NLRP14: variants seen among roughly 807,000 people sequenced by gnomAD.
NLRP14 encodes the protein NACHT, LRR and PYD domains-containing protein 14.
In NLRP14, 105 loss-of-function variants were observed where a neutral mutation model predicts 94.7. The observed-to-expected ratio is 1.11, with a 90% confidence interval of 0.95 to 1.30. The LOEUF is 1.30. Among genes scored for constraint, NLRP14 ranks in the 50% most tolerant of loss-of-function variants. The pLI, the probability that NLRP14 is intolerant of heterozygous loss-of-function variation, is 0.00. For synonymous variants in NLRP14, 508 were observed against 459.9 expected, an observed-to-expected ratio of 1.10 and a Z score of -1.34; for missense variants, 1,362 against 1,254.1, an observed-to-expected ratio of 1.09 and a Z score of -1.30.
rs1263172015 is a variant in NLRP14, at chr11:7,071,396, A to G, written c.*88A>G. On this transcript the variant is annotated 3_prime_UTR_variant, in exon 12 of 12. Transcript: ENST00000299481. ...CCCAGACTTGGGTGCTTAGCTTCAGATACTCTATGCCCAGAGATAGTGCAC... is the reference window on the plus strand; with the variant it reads ...CCCAGACTTGGGTGCTTAGCTTCAGGTACTCTATGCCCAGAGATAGTGCAC... 1 of 1,057,634 alleles carries G rather than the reference A, an allele frequency of 9.5e-7. No individual in the cohort carries two copies. Among genetic ancestry groups the G allele is most frequent in the Non-Finnish European group, 1.4e-6 (1 of 706,110 alleles). 65.5% of individuals were successfully genotyped at this position (1,057,634 alleles called of 1,614,324 possible). A position where few individuals can be genotyped will look rare whatever the true frequency, so the allele number is the denominator to read the frequency against.
intron 5 of NLRP14, among the ~76,000 whole-genome samples, chr11:7,048,830 G>T (rs1852398246): frequency 1.3e-5 from 2 of 152,174 alleles, no homozygotes; most frequent in East Asian, 1.9e-4. Context: ...CATGATGACT[G>T]TTCTCAGTCT....
chr11:7,051,862 C>A (rs1852446065), intron 6 of NLRP14, among the ~76,000 whole-genome samples: 1 of 152,200 alleles, frequency 6.6e-6, no homozygotes, highest in South Asian at 2.1e-4. Flanking sequence ...ACCTTGTGAT[C>A]CGCCTGCCTT....
rs374638330 is a variant in NLRP14, at chr11:7,060,050, T to A, written c.2790T>A (p.Asn930Lys). 11 of 1,612,554 alleles carry A rather than the reference T, an allele frequency of 6.8e-6. No homozygotes were observed. The highest frequency in any genetic ancestry group is 1.7e-4 in the Middle Eastern group (1 of 6,050). The change falls in exon 9 of 12, where the codon AAT becomes AAA. Residue 930 changes from asparagine to lysine, a missense_variant. By Grantham distance (94) the Asn-to-Lys change is moderately conservative. Coordinates refer to ENST00000299481, the MANE Select transcript of NLRP14 (RefSeq NM_176822.4). ...ATGTCTTTCGGCATCCAAGCTGTAA[T>A]CTTCAGGACTTGGAGTAGGTTTTCT... ...LCDVFRHPSC[N>K]LQDLELMGCV... is the part of the protein sequence containing the mutation.
chr11:7,068,452 C>T (rs1852741134), intron 10 of NLRP14, among the ~76,000 whole-genome samples: 1 of 151,976 alleles, frequency 6.6e-6, no homozygotes, highest in African/African-American at 2.4e-5. Context: ...TGTAAACTTC[C>T]CTAGAACTTT....
chr11:7,061,694 A>G (rs1852624340), intron 9 of NLRP14, among the ~76,000 whole-genome samples: 1 of 152,110 alleles, frequency 6.6e-6, no homozygotes, highest in Non-Finnish European at 1.5e-5. Context: ...CAGTGGAGAC[A>G]GAGTTACTTT....
chr11:7,082,114 A>G, the NLRP14 span, among the ~76,000 whole-genome samples: 5 of 152,218 alleles, frequency 3.3e-5, no homozygotes, highest in African/African-American at 1.2e-4. Context: ...GAACCAGGAC[A>G]AGAACCAAAT....
In NLRP14 at chr11:7,053,656, T is replaced by C. The variant is rs538157741; in HGVS notation, c.2291+3818T>C. On this transcript the variant is annotated intron_variant, in intron 6 of 11. Coordinates refer to ENST00000299481, the MANE Select transcript of NLRP14 (RefSeq NM_176822.4). ...GTATTTTTTTTTACTTTCACTTCTGTATTTTCAATTTTTTAGGTACATAGT... is the reference window on the plus strand; with the variant it reads ...GTATTTTTTTTTACTTTCACTTCTGCATTTTCAATTTTTTAGGTACATAGT... Among the ~76,000 whole-genome samples the C allele has an allele frequency of 2.0e-5, 3 of 151,978 alleles. No individual in the cohort carries two copies. The South Asian group carries it at 6.2e-4, about 32-fold the overall frequency.
chr11:7,075,345 A>G (rs1852862779), downstream of NLRP14, among the ~76,000 whole-genome samples: 1 of 152,222 alleles, frequency 6.6e-6, no homozygotes, highest in Non-Finnish European at 1.5e-5. Context: ...ATATACTATG[A>G]TTATTGTGAC....
At chr11:7,068,269 AT>A (rs1267863787) in intron 10 of NLRP14, among the ~76,000 whole-genome samples, 1 of 152,038 alleles carries the variant, frequency 6.6e-6, no homozygotes, top group East Asian at 1.9e-4. Flanking sequence ...TGTTGGGTTT[AT>A]TTTACCATTT....
intron 1 of NLRP14, among the ~76,000 whole-genome samples, chr11:7,027,846 T>TG (rs1852036244): frequency 6.6e-6 from 1 of 152,228 alleles, no homozygotes; most frequent in Admixed American, 6.5e-5. Context: ...TTCAAGCATT[T>TG]GGTACAATTA....
chr11:7,035,679 AC>A (rs1852151171), intron 1 of NLRP14, among the ~76,000 whole-genome samples: 1 of 151,950 alleles, frequency 6.6e-6, no homozygotes, highest in Non-Finnish European at 1.5e-5. Flanking sequence ...GTCAAATCTT[AC>A]CTCCCTGAGA....
At chr11:7,070,514 C>T in intron 11 of NLRP14, 58 bp downstream of exon 11, 1 of 1,243,810 alleles carries the variant, frequency 8.0e-7, no homozygotes, top group Admixed American at 1.7e-5. Context: ...ATTTGGGGAG[C>T]CACTCATTAA....
intron 1 of NLRP14, among the ~76,000 whole-genome samples, chr11:7,034,206 G>A (rs147111352): frequency 3.9e-5 from 6 of 152,120 alleles, no homozygotes; most frequent in East Asian, 1.9e-4. Context: ...TCATATATTC[G>A]GACATTTGTC....
At chr11:7,032,401 C>A (rs1454570054) in intron 1 of NLRP14, among the ~76,000 whole-genome samples, 1 of 152,112 alleles carries the variant, frequency 6.6e-6, no homozygotes, top group African/African-American at 2.4e-5. Flanking sequence ...CTATTCTAAA[C>A]AAACACCCTT....
rs778677361 is a variant in NLRP14 at position 7,043,495 on chromosome 11, T to A, written c.1469T>A (p.Met490Lys). The A allele has an allele frequency of 1.9e-6, 3 of 1,614,174 alleles. No individual in the cohort carries two copies. The South Asian group carries it at 3.3e-5, about 18-fold the overall frequency. Residue 490 changes from methionine (M) to lysine (K), a missense_variant, in exon 4 of 12, where the codon ATG (methionine) becomes AAG (lysine). Transcript: ENST00000299481. ...CATGTTCAGGAGTTTTTTGCAGCTA[T>A]GTTCTATATGTTGAAAGGCAGTTGG... is the stretch of plus-strand genomic sequence containing the variant. Reference protein sequence around the residue: ...HLHVQEFFAAMFYMLKGSWEA... With the variant: ...HLHVQEFFAAKFYMLKGSWEA...
chr11:7,052,471 A>G (rs1852454430), intron 6 of NLRP14, among the ~76,000 whole-genome samples: 1 of 152,150 alleles, frequency 6.6e-6, no homozygotes, highest in South Asian at 2.1e-4. Context: ...CATCTCTACT[A>G]AAAATACAAA....
At chr11:7,073,962 G>A (rs922779167), downstream of NLRP14, among the ~76,000 whole-genome samples, 1 of 152,056 alleles carries the variant, frequency 6.6e-6, no homozygotes, top group Non-Finnish European at 1.5e-5. Context: ...TTTGGAGGTC[G>A]GGATGGGGAG....
intron 1 of NLRP14, among the ~76,000 whole-genome samples, chr11:7,022,456 A>G (rs983713055): frequency 1.3e-5 from 2 of 152,214 alleles, no homozygotes; most frequent in African/African-American, 4.8e-5. Context: ...ATTTTCCATA[A>G]TTTTGGTTAA....
At chr11:7,053,940 C>G (rs1852480763) in intron 6 of NLRP14, among the ~76,000 whole-genome samples, 1 of 152,062 alleles carries the variant, frequency 6.6e-6, no homozygotes, top group Non-Finnish European at 1.5e-5. Flanking sequence ...TCCCCTCTTC[C>G]CCTCATTCCC....
Sources: allele counts gnomAD v4.1 joint callset (sites outside exome capture counted in the v4.1 genomes callset), GRCh38; gene constraint gnomAD v4.1.1; transcripts MANE v1.5; gene names NCBI Gene and HGNC (gene_info 2026-07-23, HGNC 2026-07-21).